RESF1: variants seen among roughly 807,000 people sequenced by gnomAD.
RESF1 encodes gonad expressed transcript.
Under a neutral mutation model 134.7 loss-of-function variants are expected in RESF1, and 65 were observed. The ratio of observed to expected loss-of-function variants is 0.48; its 90% CI spans 0.40 to 0.59. The LOEUF is 0.59. RESF1 is among the 20% of genes least tolerant of loss of function. The pLI, the probability that RESF1 is intolerant of heterozygous loss-of-function variation, is 0.00. For synonymous variants in RESF1, 762 were observed against 702.2 expected (o/e 1.09, Z -1.35); for missense variants, 2,274 against 2,002.7 (o/e 1.14, Z -2.59).
intron 5 of RESF1, among the ~76,000 whole-genome samples, chr12:31,991,863 T>C (rs779419022): frequency 6.6e-6 from 1 of 152,170 alleles, no homozygotes; most frequent in African/African-American, 2.4e-5. Context: ...ATATTTTCAA[T>C]AGGTGATGGG....
At chr12:31,961,048 G>T (rs1252589367) in intron 2 of RESF1, among the ~76,000 whole-genome samples, 177 bp downstream of exon 2, 1 of 152,230 alleles carries the variant, frequency 6.6e-6, no homozygotes, top group Non-Finnish European at 1.5e-5. Flanking sequence ...AAGAAATGTT[G>T]TTGGCATAGT....
At position 31,983,200 on chromosome 12, in the gene RESF1, G is replaced by T; in HGVS notation, c.2245G>T (p.Gly749Cys). Residue 749 changes from glycine (G) to cysteine (C), a missense_variant, in exon 4 of 6, where the codon GGT becomes TGT. Coordinates refer to ENST00000312561, the MANE Select transcript of RESF1 (RefSeq NM_018169.4). Reference sequence around the variant, plus strand: ...GGTAATGCACAATTATGAGTCTTCAGGTATAAATATAACAAAGGGAACAGA... The same window carrying T: ...GGTAATGCACAATTATGAGTCTTCATGTATAAATATAACAAAGGGAACAGA... ...SMVMHNYESS[G>C]INITKGTELQ... is the part of the protein sequence containing the mutation. The T allele has an allele frequency of 6.2e-7, 1 of 1,610,608 alleles. No homozygotes were observed. The highest frequency in any genetic ancestry group is 1.1e-5 in the South Asian group (1 of 90,512).
rs773605059 is a variant in RESF1 at position 31,981,354 on chromosome 12, G to A, written c.399G>A (p.Gly133=). Residue 133 remains glycine, a synonymous_variant, in exon 4 of 6, where the codon GGG becomes GGA. Coordinates refer to ENST00000312561, the MANE Select transcript of RESF1 (RefSeq NM_018169.4). ...PMRNPVHSHI[G]ATVSHQTDFG... Reference sequence around the variant, plus strand: ...GGAATCCTGTGCATTCTCATATAGGGGCAACTGTATCTCATCAAACTGATT... The same window carrying A: ...GGAATCCTGTGCATTCTCATATAGGAGCAACTGTATCTCATCAAACTGATT... The A allele has an allele frequency of 2.5e-6, 4 of 1,613,994 alleles. No individual in the cohort carries two copies. Among genetic ancestry groups the A allele is most frequent in the Non-Finnish European group, 3.4e-6 (4 of 1,179,998 alleles).
At chr12:31,969,993 T>C (rs1161280198) in intron 2 of RESF1, among the ~76,000 whole-genome samples, 196 bp from the exon 3 acceptor site, 1 of 152,232 alleles carries the variant, frequency 6.6e-6, no homozygotes, top group African/African-American at 2.4e-5. Context: ...GGTATAATTT[T>C]AGATTATTTT....
chr12:31,981,101 C>T lies in RESF1; in HGVS notation c.146C>T (p.Ala49Val), dbSNP rs764491518. The change falls in exon 4 of 6, where the codon GCA becomes GTA. Residue 49 changes from alanine (A) to valine (V), a missense_variant. Physicochemically the swap from Ala to Val is moderately conservative, Grantham distance 64. Coordinates refer to ENST00000312561, the MANE Select transcript of RESF1 (RefSeq NM_018169.4). Reference protein sequence around the residue: ...SFSYPGSNQEACMYPGNSNPI... With the variant: ...SFSYPGSNQEVCMYPGNSNPI... ...AGCTATCCTGGAAGTAACCAAGAAGCATGCATGTATCCCGGTAATTCAAAT... is the reference window on the plus strand; with the variant it reads ...AGCTATCCTGGAAGTAACCAAGAAGTATGCATGTATCCCGGTAATTCAAAT... 1.9e-6 allele frequency: 3 copies of T among 1,614,052 alleles called. No homozygotes were observed. Among genetic ancestry groups the T allele is most frequent in the South Asian group, 2.2e-5 (2 of 91,086 alleles).
At chr12:31,963,988 T>G (rs188357960) in intron 2 of RESF1, among the ~76,000 whole-genome samples, 29 of 152,370 alleles carry the variant, frequency 1.9e-4, no homozygotes, top group African/African-American at 5.3e-4. Context: ...AGTGCAGCTA[T>G]GATCATTCAT....
In RESF1 at chr12:31,990,762, A is replaced by G. The variant is rs766618926; in HGVS notation, c.5087-1616A>G. On this transcript the variant is annotated intron_variant, in intron 5 of 5. Transcript: ENST00000312561. ...CCACATGGGCATTTTTTAAATGCCT[A>G]TTAGGGGCGAGTGAAGCTGGTTCTG... 2.6e-4 allele frequency among the ~76,000 whole-genome samples: 39 copies of G among 152,312 alleles called. No individual in the cohort carries two copies. In the South Asian group the frequency reaches 4.1e-3, roughly 16 times the overall value.
rs552563704 is a variant in RESF1 at position 31,992,611 on chromosome 12, T to A, written c.*76T>A. 3 of 1,336,768 alleles carry A rather than the reference T, an allele frequency of 2.2e-6. No individual in the cohort carries two copies. The highest frequency in any genetic ancestry group is 3.2e-6 in the Non-Finnish European group (3 of 942,178). The allele number at this position is 1,336,768 out of a possible 1,614,324, so 82.8% of individuals were successfully genotyped here. A position where few individuals can be genotyped will look rare whatever the true frequency, so the allele number is the denominator to read the frequency against. On this transcript the variant is annotated 3_prime_UTR_variant, in exon 6 of 6. Transcript: ENST00000312561. ...GTTCAAAATATTTCGCTGAAACTAA[T>A]GAGAAATGCCATGATAAAGATTTCT...
In RESF1 at chr12:31,983,753, G is replaced by A; in HGVS notation, c.2798G>A (p.Gly933Glu). The A allele has an allele frequency of 1.9e-6, 3 of 1,613,606 alleles. No individual in the cohort carries two copies. The highest frequency in any genetic ancestry group is 2.5e-6 in the Non-Finnish European group (3 of 1,179,976). ...PQKPSLPNQQ[G>E]IGSREPEKQL... The stretch of plus-strand genomic sequence containing the variant: ...AAACCTTCTCTACCCAATCAGCAAG[G>A]GATTGGCAGCAGAGAACCAGAAAAA... Residue 933 changes from glycine (G) to glutamate (E), a missense_variant, in exon 4 of 6, where the codon GGG becomes GAG. Transcript: ENST00000312561.
intron 2 of RESF1, among the ~76,000 whole-genome samples, chr12:31,966,742 C>G (rs1483922739): frequency 6.6e-6 from 1 of 152,180 alleles, no homozygotes; most frequent in Non-Finnish European, 1.5e-5. Context: ...GATCATCCTG[C>G]TGGGAATCAC....
At chr12:31,986,132 T>A (rs1939967944) in intron 4 of RESF1, among the ~76,000 whole-genome samples, 175 bp downstream of exon 4, 1 of 152,208 alleles carries the variant, frequency 6.6e-6, no homozygotes, top group Non-Finnish European at 1.5e-5. Context: ...AATATTTGTT[T>A]TGTGTTCATT....
chr12:31,973,839 C>T (rs922533058), intron 3 of RESF1, among the ~76,000 whole-genome samples: 5 of 152,090 alleles, frequency 3.3e-5, no homozygotes, highest in African/African-American at 7.2e-5. Context: ...TCTTCCCATC[C>T]GCAAACTGTT....
At chr12:31,973,633 G>T (rs1288689129) in intron 3 of RESF1, among the ~76,000 whole-genome samples, 1 of 151,622 alleles carries the variant, frequency 6.6e-6, no homozygotes, top group Non-Finnish European at 1.5e-5. Flanking sequence ...AGTGCTTTTC[G>T]AGTTTTCAGT....
rs117568011 is a variant in RESF1 at position 31,961,963 on chromosome 12, C to T, written c.-247+1092C>T. Reference sequence around the variant, plus strand: ...GTAGGCCAGGTGTGGTGGCTCACGCCTATAATGCCAGCACTTTAAGAGGCT... The same window carrying T: ...GTAGGCCAGGTGTGGTGGCTCACGCTTATAATGCCAGCACTTTAAGAGGCT... On this transcript the variant is annotated intron_variant, in intron 2 of 5. Transcript: ENST00000312561. Among the ~76,000 whole-genome samples, 75 of 152,296 alleles carry T rather than the reference C, an allele frequency of 4.9e-4. No homozygotes were observed. In the East Asian group the frequency reaches 0.014, roughly 29 times the overall value.
intron 1 of RESF1, among the ~76,000 whole-genome samples, chr12:31,960,310 G>A (rs546636575): frequency 6.6e-6 from 1 of 152,242 alleles, no homozygotes; most frequent in African/African-American, 2.4e-5. Context: ...ATGAGCTTGA[G>A]GCGCATTTTC....
Position 31,984,801 on chromosome 12 carries a change from A to G in RESF1, c.3846A>G (p.Lys1282=), listed in dbSNP as rs1198628669. 6.2e-7 allele frequency: 1 copy of G among 1,610,548 alleles called. No homozygotes were observed. Among genetic ancestry groups the G allele is most frequent in the East Asian group, 2.2e-5 (1 of 44,856 alleles). Residue 1282 remains lysine (K), a synonymous_variant, in exon 4 of 6, where the codon AAA becomes AAG. Coordinates refer to ENST00000312561, the MANE Select transcript of RESF1 (RefSeq NM_018169.4). Reference sequence around the variant, plus strand: ...TAGTTGCTGGTCAGTTTTCATCTAAATGTGATAAACTAAATCCCTTGCAAA... The same window carrying G: ...TAGTTGCTGGTCAGTTTTCATCTAAGTGTGATAAACTAAATCCCTTGCAAA... ...QELVAGQFSS[K]CDKLNPLQNH... is the part of the protein sequence containing the mutation.
intron 3 of RESF1, among the ~76,000 whole-genome samples, chr12:31,978,794 C>G (rs1592257959): frequency 6.6e-6 from 1 of 150,778 alleles, no homozygotes; most frequent in African/African-American, 2.4e-5. Context: ...ATCTCCTGAC[C>G]TCGTGATACC....
At position 31,985,971 on chromosome 12, in the gene RESF1, T is replaced by A; in HGVS notation, c.5002+14T>A. On this transcript the variant is annotated intron_variant, in intron 4 of 5. Coordinates refer to ENST00000312561, the MANE Select transcript of RESF1 (RefSeq NM_018169.4). ...CCCCTCTGCAAGGTCCAGTATGATTTTCTTGGTGGTGTCTACAATATTGTA... is the reference window on the plus strand; with the variant it reads ...CCCCTCTGCAAGGTCCAGTATGATTATCTTGGTGGTGTCTACAATATTGTA... The A allele has an allele frequency of 6.9e-7, 1 of 1,454,128 alleles. No individual in the cohort carries two copies. The highest frequency in any genetic ancestry group is 1.6e-5 in the South Asian group (1 of 61,868). 90.1% of individuals were successfully genotyped at this position (1,454,128 alleles called of 1,614,324 possible). A position where few individuals can be genotyped will look rare whatever the true frequency, so the allele number is the denominator to read the frequency against.
At chr12:31,977,448 A>G (rs1939660640) in intron 3 of RESF1, among the ~76,000 whole-genome samples, 4 of 152,166 alleles carry the variant, frequency 2.6e-5, no homozygotes. Flanking sequence ...GGCCTCCCAA[A>G]GTGCTGGGAT....
Sources: allele counts gnomAD v4.1 joint callset (sites outside exome capture counted in the v4.1 genomes callset), GRCh38; gene constraint gnomAD v4.1.1; transcripts MANE v1.5; gene names NCBI Gene and HGNC (gene_info 2026-07-23, HGNC 2026-07-21).